IL12RB1: variants seen among roughly 807,000 people sequenced by gnomAD.
The protein encoded by IL12RB1 is interleukin 12 receptor subunit beta 1.
Under a neutral mutation model 94.4 loss-of-function variants are expected in IL12RB1, and 64 were observed. That is an observed-to-expected ratio of 0.68 (90% CI 0.55 to 0.83). The LOEUF (loss-of-function observed/expected upper bound fraction) is 0.83. Ranked by LOEUF, IL12RB1 falls within the 40% of genes least tolerant of loss-of-function variation. IL12RB1 has a pLI of 0.00. For synonymous variants in IL12RB1, 362 were observed against 355.5 expected (o/e 1.02, Z -0.21); for missense variants, 814 against 855.6 (o/e 0.95, Z 0.61).
intron 13 of IL12RB1, 38 bp downstream of exon 13, chr19:18,063,838 T>C (rs759885958): frequency 6.3e-7 from 1 of 1,596,862 alleles, no homozygotes; most frequent in South Asian, 1.1e-5. Context: ...GTGCAGTGCA[T>C]GCTGGGTAAA....
upstream of IL12RB1, chr19:18,087,086 G>C (rs1012983587): frequency 7.8e-5 from 48 of 617,740 alleles, no homozygotes; most frequent in Middle Eastern, 4.4e-4. Context: ...AGCAAGTCAG[G>C]GTTCTAGGGG....
intron 1 of IL12RB1, among the ~76,000 whole-genome samples, chr19:18,095,204 C>G (rs2036834720): frequency 6.6e-6 from 1 of 151,974 alleles, no homozygotes; most frequent in Admixed American, 6.6e-5. Context: ...AGAAATAAAT[C>G]TATGCAAAAA....
chr19:18,081,019 G>T lies in IL12RB1; in HGVS notation c.240-18C>A, dbSNP rs377066020. 1.8e-4 allele frequency: 291 copies of T among 1,607,344 alleles called. No homozygotes were observed. The highest frequency in any genetic ancestry group is 2.3e-4 in the Non-Finnish European group (273 of 1,179,394). On this transcript the variant is annotated intron_variant, in intron 3 of 16. Transcript: ENST00000593993. ...AGCTAAGGCTGCAGCAGGAAGGAGG[G>T]TGTCAGTGCCGAGTCTGGGGTCCTA...
At chr19:18,089,354 G>A (rs777221895), upstream of IL12RB1, among the ~76,000 whole-genome samples, 9 of 152,038 alleles carry the variant, frequency 5.9e-5, no homozygotes, top group East Asian at 1.9e-4. Context: ...GCCCGGGCGC[G>A]GTGGCTCACT....
At chr19:18,081,068 G>A in intron 3 of IL12RB1, 67 bp from the exon 4 acceptor site, 1 of 1,387,348 alleles carries the variant, frequency 7.2e-7, no homozygotes, top group South Asian at 1.2e-5. Flanking sequence ...CCGACTTTGT[G>A]CATCACATCC....
chr19:18,059,546 G>A lies in IL12RB1; in HGVS notation c.*62C>T. On this transcript the variant is annotated 3_prime_UTR_variant, in exon 17 of 17. Transcript: ENST00000593993. Reference sequence around the variant, plus strand: ...AGCTCTGGGTTATTTGGGTCCAAATGTGACTCCTGTGTGTGCTACGTAGCC... The same window carrying A: ...AGCTCTGGGTTATTTGGGTCCAAATATGACTCCTGTGTGTGCTACGTAGCC... The A allele has an allele frequency of 1.3e-6, 1 of 773,830 alleles. No homozygotes were observed. Among genetic ancestry groups the A allele is most frequent in the South Asian group, 1.4e-5 (1 of 73,362 alleles). 47.9% of individuals were successfully genotyped at this position (773,830 alleles called of 1,614,324 possible).
At chr19:18,063,116 G>A (rs59678257) in intron 13 of IL12RB1, among the ~76,000 whole-genome samples, 1 of 52,554 alleles carries the variant, frequency 1.9e-5, no homozygotes, top group African/African-American at 8.9e-5. Flanking sequence ...TTTTTTTTGA[G>A]ACAGGGTCTT....
chr19:18,069,161 C>T (rs1432300569), intron 10 of IL12RB1, among the ~76,000 whole-genome samples: 7 of 152,266 alleles, frequency 4.6e-5, no homozygotes, highest in East Asian at 1.9e-4. Flanking sequence ...GAGCAGGAAG[C>T]GGGAGAGTGA....
At chr19:18,095,816 C>T (rs2099883994) in intron 1 of IL12RB1, among the ~76,000 whole-genome samples, 1 of 151,986 alleles carries the variant, frequency 6.6e-6, no homozygotes, top group South Asian at 2.1e-4. Flanking sequence ...GCCCAGTGAC[C>T]CTTCCTAGGG....
At chr19:18,082,607 A>G (rs1235049474) in intron 2 of IL12RB1, among the ~76,000 whole-genome samples, 2 of 152,080 alleles carry the variant, frequency 1.3e-5, no homozygotes, top group Non-Finnish European at 2.9e-5. Flanking sequence ...CCTGTTGTCT[A>G]TCTCTTCCAC....
intron 1 of IL12RB1, among the ~76,000 whole-genome samples, chr19:18,098,327 C>T (rs1194646088): frequency 2.0e-5 from 3 of 151,970 alleles, no homozygotes; most frequent in Admixed American, 6.6e-5. Context: ...AACTGAGGCT[C>T]TAGTCCCGGA....
intron 4 of IL12RB1, among the ~76,000 whole-genome samples, chr19:18,079,758 G>A (rs1207874047): frequency 1.3e-5 from 2 of 152,154 alleles, no homozygotes. Context: ...TTAGCCGGGC[G>A]CGGTGGCGGG....
At chr19:18,088,385 C>CAA (rs1306033893), upstream of IL12RB1, among the ~76,000 whole-genome samples, 9 of 112,002 alleles carry the variant, frequency 8.0e-5, 1 homozygote, top group Admixed American at 2.5e-4. Flanking sequence ...CACTCCATCT[C>CAA]AAAATATATA....
Position 18,077,519 on chromosome 19 carries a change from C to T in IL12RB1, c.546G>A (p.Lys182=). Residue 182 remains lysine (K), a synonymous_variant, in exon 5 of 17, where the codon AAG becomes AAA. Transcript: ENST00000593993. ...TGGACTTGGGAAACAAACTCACCAA[C>T]TTCCATGGGCTGCTGGGTGTCCGGT... The part of the protein sequence containing the change: ...FRHRTPSSPW[K]LGDCGPQDDD... 2.5e-6 allele frequency: 4 copies of T among 1,609,626 alleles called. No homozygotes were observed. The highest frequency in any genetic ancestry group is 3.4e-6 in the Non-Finnish European group (4 of 1,177,678).
upstream of IL12RB1, among the ~76,000 whole-genome samples, chr19:18,091,213 C>T (rs1269131851): frequency 4.6e-5 from 7 of 152,216 alleles, no homozygotes; most frequent in Admixed American, 4.6e-4. Flanking sequence ...CCCACCTTCC[C>T]CTTGCCACAT....
intron 1 of IL12RB1, among the ~76,000 whole-genome samples, chr19:18,093,344 A>ATATATATATATATATG (rs1224767884): frequency 2.1e-5 from 3 of 142,602 alleles, no homozygotes; most frequent in South Asian, 2.2e-4. Context: ...ATATATATAT[A>ATATATATATATATATG]TATACTTGTG....
intron 1 of IL12RB1, among the ~76,000 whole-genome samples, chr19:18,094,436 T>G: frequency 6.6e-6 from 1 of 151,630 alleles, no homozygotes; most frequent in East Asian, 2.0e-4. Flanking sequence ...GCCAACACAT[T>G]GTTGTTTAAT....
Position 18,080,846 on chromosome 19 carries a change from T to C in IL12RB1, c.395A>G (p.Gln132Arg), listed in dbSNP as rs1249188206. The change falls in exon 4 of 17, where the codon CAG (glutamine) becomes CGG (arginine). Residue 132 changes from glutamine to arginine, a missense_variant. Transcript: ENST00000593993. ...QTEKSPEVTL[Q>R]LYNSVKYEPP... ...AAGGTGCTAACCTGAGTTGTAGAGC[T>C]GCAGGGTCACCTCAGGAGACTTCTC... The C allele has an allele frequency of 4.4e-6, 7 of 1,608,606 alleles. No individual in the cohort carries two copies. In the African/African-American group the frequency reaches 8.0e-5, roughly 18 times the overall value.
intron 4 of IL12RB1, among the ~76,000 whole-genome samples, chr19:18,079,072 T>G (rs1211599755): frequency 6.6e-6 from 1 of 151,890 alleles, no homozygotes; most frequent in Non-Finnish European, 1.5e-5. Flanking sequence ...CTTCTATAAT[T>G]ACTTTTTTGG....
Sources: allele counts gnomAD v4.1 joint callset (sites outside exome capture counted in the v4.1 genomes callset), GRCh38; gene constraint gnomAD v4.1.1; transcripts MANE v1.5; gene names NCBI Gene and HGNC (gene_info 2026-07-23, HGNC 2026-07-21).